ITGA7: variants seen among roughly 807,000 people sequenced by gnomAD.
ITGA7 encodes integrin subunit alpha 7, also known as integrin alpha-7.
ITGA7 carries 84 observed loss-of-function variants against 131.6 expected under a neutral mutation model. That is an observed-to-expected ratio of 0.64 (90% confidence interval 0.54 to 0.77). ITGA7 has a LOEUF of 0.77. Among genes scored for constraint, ITGA7 ranks in the 30% least tolerant of loss-of-function variants. ITGA7 has a pLI of 0.00. For missense variants in ITGA7, 1,399 were observed against 1,482.9 expected (o/e 0.94, Z 0.93); for synonymous variants, 548 against 600.7 (o/e 0.91, Z 1.28).
At chr12:55,716,089 G>A (rs1366480014), upstream of ITGA7, 1 of 1,585,444 alleles carries the variant, frequency 6.3e-7, no homozygotes, top group African/African-American at 1.3e-5. Context: ...TCCAGCTTCC[G>A]GAGCCGGAGG....
At position 55,688,835 on chromosome 12, in the gene ITGA7, T is replaced by C. The variant is rs1382710214; in HGVS notation, c.2958+9A>G. On this transcript the variant is annotated intron_variant, in intron 22 of 24. Transcript: ENST00000257879. ...AGAAACACAGACTAGAGCCGAGTGG[T>C]ATCCTCACCTCCAGAAAGGTGCTGT... The C allele has an allele frequency of 1.9e-6, 3 of 1,600,198 alleles. No individual in the cohort carries two copies. Among genetic ancestry groups the C allele is most frequent in the Admixed American group, 1.7e-5 (1 of 59,966 alleles).
intron 24 of ITGA7, 140 bp downstream of exon 24, chr12:55,687,831 T>A: frequency 1.7e-6 from 2 of 1,158,672 alleles, no homozygotes; most frequent in Non-Finnish European, 1.3e-6. Context: ...ACTAATAGAG[T>A]TCCTGAGACA....
chr12:55,700,741 T>C (rs2136053744), intron 4 of ITGA7, 158 bp downstream of exon 4: 2 of 924,110 alleles, frequency 2.2e-6, no homozygotes, highest in Non-Finnish European at 3.3e-6. Flanking sequence ...CCCCCATTCA[T>C]GTGTGCACTA....
At chr12:55,700,372 C>A in intron 4 of ITGA7, 3 of 1,609,016 alleles carry the variant, frequency 1.9e-6, no homozygotes, top group Non-Finnish European at 2.5e-6. Flanking sequence ...GCCCTGTGCA[C>A]AGAGCTCCAC....
upstream of ITGA7, among the ~76,000 whole-genome samples, chr12:55,714,387 G>C (rs1164861383): frequency 2.2e-4 from 33 of 151,586 alleles, no homozygotes; most frequent in Non-Finnish European, 4.1e-4. Context: ...GCGTAGTGGC[G>C]GGCGCCTGTA....
At chr12:55,711,393 G>A (rs553105214), upstream of ITGA7, among the ~76,000 whole-genome samples, 1 of 151,888 alleles carries the variant, frequency 6.6e-6, no homozygotes, top group East Asian at 1.9e-4. Context: ...CACAAGAATC[G>A]CTTGAACCCA....
At chr12:55,698,639 A>G in intron 6 of ITGA7, 63 bp from the exon 7 acceptor site, 1 of 1,610,672 alleles carries the variant, frequency 6.2e-7, no homozygotes, top group East Asian at 2.2e-5. Flanking sequence ...GCAGGAGGCT[A>G]AGTGGCCTCA....
chr12:55,712,911 C>A (rs1876237463), upstream of ITGA7, among the ~76,000 whole-genome samples: 1 of 152,164 alleles, frequency 6.6e-6, no homozygotes, highest in African/African-American at 2.4e-5. Flanking sequence ...GCAGTCTCTA[C>A]ACCGATTGTG....
rs201994133 is a variant in ITGA7, at chr12:55,698,764, C to T, written c.944G>A (p.Arg315His). The change falls in exon 6 of 25, where the codon CGC becomes CAC. Residue 315 changes from arginine to histidine, a missense_variant. By Grantham distance (29) the Arg-to-His change is conservative (BLOSUM62 0). Transcript: ENST00000257879. ...LVPEVMLSGERLTSGFGYSLA... is the reference protein window; with the variant it reads ...LVPEVMLSGEHLTSGFGYSLA... ...TGAGTAGCCAAAGCCGGAGGTCAGG[C>T]GCTCCCCAGACAGCATAACCTCGGG... 1.4e-5 allele frequency: 22 copies of T among 1,614,016 alleles called. No homozygotes were observed. The highest frequency in any genetic ancestry group is 6.7e-5 in the Admixed American group (4 of 60,006).
upstream of ITGA7, among the ~76,000 whole-genome samples, chr12:55,714,860 C>CTTT (rs1307236467): frequency 3.9e-5 from 4 of 103,064 alleles, no homozygotes; most frequent in Non-Finnish European, 5.5e-5. Flanking sequence ...GGAATCAAGG[C>CTTT]TTTTTTTTTT....
intron 12 of ITGA7, 114 bp downstream of exon 12, chr12:55,696,785 T>C: frequency 8.3e-7 from 1 of 1,201,756 alleles, no homozygotes; most frequent in South Asian, 1.3e-5. Context: ...TTCCCACGTG[T>C]CTAGGTCTTA....
Position 55,694,899 on chromosome 12 carries a change from G to T in ITGA7, c.2075C>A (p.Thr692Asn), listed in dbSNP as rs767513705. The T allele has an allele frequency of 5.0e-6, 8 of 1,613,944 alleles. No individual in the cohort carries two copies. The East Asian group carries it at 1.6e-4, about 31-fold the overall frequency. ...CTGGGCTGGGTCCGATGGCAGGTTG[G>T]TGACCATCAGCTCCAGGCCAATGAC... ...QPVIGLELMVTNLPSDPAQPQ... is the reference protein window; with the variant it reads ...QPVIGLELMVNNLPSDPAQPQ... Residue 692 changes from threonine to asparagine, a missense_variant, in exon 15 of 25, where the codon ACC becomes AAC. Coordinates refer to ENST00000257879, the MANE Select transcript of ITGA7 (RefSeq NM_002206.3). The surrounding 1 kb of genome is among the most constrained non-coding windows in gnomAD (Gnocchi z 5.3).
intron 24 of ITGA7, among the ~76,000 whole-genome samples, chr12:55,686,994 C>CGT (rs1870299915): frequency 6.6e-6 from 1 of 152,034 alleles, no homozygotes; most frequent in Non-Finnish European, 1.5e-5. Context: ...CACCCTACTA[C>CGT]CCCACCTTCC....
At chr12:55,712,344 C>A (rs1565649165), upstream of ITGA7, 10 of 978,592 alleles carry the variant, frequency 1.0e-5, no homozygotes, top group Middle Eastern at 2.9e-4. Flanking sequence ...CACACCACCA[C>A]CAACCCCCTC....
Position 55,694,135 on chromosome 12 carries a change from A to G in ITGA7, c.2433-12T>C. 1 of 1,613,472 alleles carries G rather than the reference A, an allele frequency of 6.2e-7. No individual in the cohort carries two copies. Among genetic ancestry groups the G allele is most frequent in the South Asian group, 1.1e-5 (1 of 91,076 alleles). Reference sequence around the variant, plus strand: ...GGGGAATGGCCATTCTGGCGTGGAGAGGTCAGAACAGGGGTGAGAAGGTCT... The same window carrying G: ...GGGGAATGGCCATTCTGGCGTGGAGGGGTCAGAACAGGGGTGAGAAGGTCT... On this transcript the variant is annotated splice_polypyrimidine_tract_variant and intron_variant, in intron 18 of 24. Transcript: ENST00000257879. This position sits in a 1 kb window ranked among gnomAD's most constrained non-coding sequence, Gnocchi z 5.3.
Position 55,698,437 on chromosome 12 carries a change from T to C in ITGA7, c.1138A>G (p.Met380Val). Residue 380 changes from methionine (M) to valine (V), a missense_variant, in exon 7 of 25, where the codon ATG becomes GTG. Coordinates refer to ENST00000257879, the MANE Select transcript of ITGA7 (RefSeq NM_002206.3). ...PLRLCGSPDS[M>V]FGISLAVLGD... ...AGGACAGCCAGGCTGATCCCGAACA[T>C]GGAGTCAGGGGAGCCGCAGAGCCGG... The C allele has an allele frequency of 6.2e-7, 1 of 1,613,520 alleles. No individual in the cohort carries two copies.
At chr12:55,711,606 G>T (rs566191888), upstream of ITGA7, among the ~76,000 whole-genome samples, 13 of 151,974 alleles carry the variant, frequency 8.6e-5, no homozygotes, top group Non-Finnish European at 1.8e-4. Flanking sequence ...TTCAGCCTGG[G>T]CAACAGAGTG....
rs1410417309 is a variant in ITGA7, at chr12:55,692,889, G to C, written c.2799C>G (p.Ser933=). 6.2e-7 allele frequency: 1 copy of C among 1,613,960 alleles called. No homozygotes were observed. The highest frequency in any genetic ancestry group is 8.5e-7 in the Non-Finnish European group (1 of 1,180,014). The change falls in exon 21 of 25, where the codon TCC becomes TCG. Residue 933 remains serine (S), a synonymous_variant. Transcript: ENST00000257879. ...EPGERQEPSM[S]WWPVSSAEKK... ...TCTCAGCAGAGGACACTGGCCACCAGGACATGCTGGGCTCCTGCCGCTCAC... is the reference window on the plus strand; with the variant it reads ...TCTCAGCAGAGGACACTGGCCACCACGACATGCTGGGCTCCTGCCGCTCAC...
chr12:55,701,303 C>T (rs113812173), intron 3 of ITGA7, 149 bp from the exon 4 acceptor site: 36 of 1,567,036 alleles, frequency 2.3e-5, no homozygotes, highest in African/African-American at 2.2e-4. Flanking sequence ...ACCCCTATGC[C>T]GGCACCACTC....
Sources: allele counts gnomAD v4.1 joint callset (sites outside exome capture counted in the v4.1 genomes callset), GRCh38; gene constraint gnomAD v4.1.1; non-coding constraint Gnocchi (gnomAD v3.1); transcripts MANE v1.5; gene names NCBI Gene and HGNC (gene_info 2026-07-23, HGNC 2026-07-21).